The following PDZRN3 variants were observed in gnomAD, a reference collection of about 807,000 sequenced individuals.
PDZRN3 encodes E3 ubiquitin-protein ligase PDZRN3.
PDZRN3 carries 38 observed loss-of-function variants against 85.7 expected under a neutral mutation model. That is an observed-to-expected ratio of 0.44 (90% CI 0.34 to 0.58). PDZRN3 has a LOEUF of 0.58. Ranked by LOEUF, PDZRN3 falls within the 20% of genes least tolerant of loss-of-function variation. The pLI is 0.01. For synonymous variants in PDZRN3, 759 were observed against 638.0 expected, an observed-to-expected ratio of 1.19 and a Z score of -2.86; for missense variants, 1,629 against 1,506.4, an observed-to-expected ratio of 1.08 and a Z score of -1.35.
intron 3 of PDZRN3, among the ~76,000 whole-genome samples, chr3:73,430,422 A>G (rs1702407800): frequency 6.6e-6 from 1 of 152,214 alleles, no homozygotes; most frequent in African/African-American, 2.4e-5. Context: ...TTGTTGCCTC[A>G]TCAAATTAGA....
At chr3:73,465,608 C>T (rs986910599) in intron 3 of PDZRN3, among the ~76,000 whole-genome samples, 3 of 152,192 alleles carry the variant, frequency 2.0e-5, no homozygotes, top group African/African-American at 7.2e-5. Context: ...AAAACGGCTA[C>T]CAGGAAGTCA....
chr3:73,583,777 A>G (rs936453798), intron 3 of PDZRN3, among the ~76,000 whole-genome samples: 12 of 152,136 alleles, frequency 7.9e-5, no homozygotes. Flanking sequence ...CAAACGTATG[A>G]TGGAAGGACT....
At chr3:73,408,588 AGG>A (rs60679218) in intron 3 of PDZRN3, among the ~76,000 whole-genome samples, 1 of 146,370 alleles carries the variant, frequency 6.8e-6, no homozygotes, top group Non-Finnish European at 1.5e-5. Flanking sequence ...TTCTTGGAGG[AGG>A]GGGGGGGGTG....
intron 3 of PDZRN3, among the ~76,000 whole-genome samples, chr3:73,513,890 T>TAG: frequency 6.6e-6 from 1 of 152,318 alleles, no homozygotes; most frequent in Middle Eastern, 3.4e-3. Context: ...GATGACAAAA[T>TAG]AGAAGAATCT....
chr3:73,559,986 C>T (rs1048592493), intron 3 of PDZRN3, among the ~76,000 whole-genome samples: 5 of 152,326 alleles, frequency 3.3e-5, no homozygotes, highest in South Asian at 2.1e-4. Flanking sequence ...AGCAGCTCTG[C>T]CATGCCCACT....
chr3:73,587,665 T>G (rs1471253922), intron 3 of PDZRN3, among the ~76,000 whole-genome samples: 5 of 152,204 alleles, frequency 3.3e-5, no homozygotes, highest in Admixed American at 2.6e-4. Context: ...CTCCAAGGAC[T>G]CTTTCTTTCC....
chr3:73,506,242 G>A (rs1469292454), intron 3 of PDZRN3, among the ~76,000 whole-genome samples: 1 of 152,158 alleles, frequency 6.6e-6, no homozygotes, highest in Non-Finnish European at 1.5e-5. Flanking sequence ...ATCTTGCAAC[G>A]TCCGTTTCTG....
At chr3:73,588,095 C>T (rs192323619) in intron 3 of PDZRN3, among the ~76,000 whole-genome samples, 156 of 152,292 alleles carry the variant, frequency 1.0e-3, no homozygotes, top group African/African-American at 3.6e-3. Context: ...CACCCTCCAC[C>T]CCTCAACAGG....
At chr3:73,409,696 G>A (rs191342573) in intron 3 of PDZRN3, among the ~76,000 whole-genome samples, 1 of 152,096 alleles carries the variant, frequency 6.6e-6, no homozygotes, top group African/African-American at 2.4e-5. Context: ...GGTTTTCACG[G>A]TCTACTTAGA....
chr3:73,468,286 A>G (rs561326446), intron 3 of PDZRN3, among the ~76,000 whole-genome samples: 8 of 152,154 alleles, frequency 5.3e-5, no homozygotes, highest in Non-Finnish European at 1.0e-4. Context: ...TCAAGGAAAC[A>G]GATTTTCCCT....
intron 3 of PDZRN3, among the ~76,000 whole-genome samples, chr3:73,575,034 G>A (rs1235277303): frequency 1.3e-5 from 2 of 152,200 alleles, no homozygotes; most frequent in Non-Finnish European, 2.9e-5. Flanking sequence ...AAATAAAAAA[G>A]TTAGTAAGTT....
chr3:73,555,116 G>A (rs780697659), intron 3 of PDZRN3, among the ~76,000 whole-genome samples: 10 of 152,130 alleles, frequency 6.6e-5, no homozygotes, highest in Non-Finnish European at 1.0e-4. Flanking sequence ...TATAGCCAAT[G>A]TGTTGTTATT....
chr3:73,615,520 G>A (rs900644968), intron 1 of PDZRN3, among the ~76,000 whole-genome samples: 2 of 152,128 alleles, frequency 1.3e-5, no homozygotes, highest in Admixed American at 6.5e-5. Flanking sequence ...CCTTTGGGAC[G>A]TGATTAGGGA....
At chr3:73,516,020 ATCTG>A (rs1202891811) in intron 3 of PDZRN3, among the ~76,000 whole-genome samples, 2 of 152,204 alleles carry the variant, frequency 1.3e-5, no homozygotes, top group African/African-American at 2.4e-5. Flanking sequence ...AAGTTTGTAG[ATCTG>A]TCTAACTGAG....
At chr3:73,450,771 C>A (rs1222353257) in intron 3 of PDZRN3, among the ~76,000 whole-genome samples, 1 of 152,146 alleles carries the variant, frequency 6.6e-6, no homozygotes. Context: ...TCACACCTGC[C>A]TTTGAAAGAT....
At chr3:73,593,381 G>T (rs1047285464) in intron 3 of PDZRN3, among the ~76,000 whole-genome samples, 2 of 152,114 alleles carry the variant, frequency 1.3e-5, no homozygotes, top group African/African-American at 2.4e-5. Context: ...GGAAGACTTT[G>T]AGGGACAGAT....
chr3:73,500,054 G>GC (rs1334226315), intron 3 of PDZRN3, among the ~76,000 whole-genome samples: 1 of 152,216 alleles, frequency 6.6e-6, no homozygotes, highest in African/African-American at 2.4e-5. Flanking sequence ...GAAAGCCCTT[G>GC]CTTTTTTTCC....
chr3:73,509,256 A>G (rs1704121000), intron 3 of PDZRN3, among the ~76,000 whole-genome samples: 1 of 152,198 alleles, frequency 6.6e-6, no homozygotes, highest in South Asian at 2.1e-4. Flanking sequence ...ATTGGAAACC[A>G]GCCATCTGGA....
At chr3:73,474,758 G>A in intron 3 of PDZRN3, 3 of 358,918 alleles carry the variant, frequency 8.4e-6, no homozygotes, top group Non-Finnish European at 9.4e-6. Context: ...GTGAAGGGGG[G>A]AAAATGGGCC....
Sources: gnomAD v4.1 joint callset for allele counts (sites outside exome capture counted in the v4.1 genomes callset) on GRCh38, gnomAD v4.1.1 for gene constraint, MANE v1.5 for transcripts, NCBI Gene and HGNC (gene_info 2026-07-23, HGNC 2026-07-21) for gene names.